The following DGCR8 variants were observed in gnomAD, a reference collection of about 807,000 sequenced individuals.
The protein encoded by DGCR8 is microprocessor complex subunit DGCR8.
Under a neutral mutation model 78.5 loss-of-function variants are expected in DGCR8, and 14 were observed. The observed-to-expected ratio is 0.18, with a 90% CI of 0.12 to 0.28. DGCR8 has a LOEUF of 0.28. Ranked by LOEUF, DGCR8 falls within the 10% of genes least tolerant of loss-of-function variation. DGCR8 has a pLI of 1.00. For missense variants in DGCR8, 702 were observed against 1,022.5 expected, an observed-to-expected ratio of 0.69 and a Z score of 4.28; for synonymous variants, 399 against 402.4, an observed-to-expected ratio of 0.99 and a Z score of 0.10.
chr22:20,082,924 C>T (rs993399121), intron 1 of DGCR8, among the ~76,000 whole-genome samples: 8 of 152,322 alleles, frequency 5.3e-5, no homozygotes, highest in Middle Eastern at 3.4e-3. Context: ...CCTTCCTATC[C>T]GGTGGCCCAT....
At position 20,101,837 on chromosome 22, in the gene DGCR8, G is replaced by A. The variant is rs563657442; in HGVS notation, c.1789-4340G>A. 688 of 985,404 alleles carry A rather than the reference G, an allele frequency of 7.0e-4. 2 individuals are homozygous for A. The highest frequency in any genetic ancestry group is 5.2e-3 in the Middle Eastern group (10 of 1,914). The allele number at this position is 985,404 out of a possible 1,614,324, so 61.0% of individuals were successfully genotyped here. On this transcript the variant is annotated intron_variant, in intron 9 of 13. Coordinates refer to ENST00000351989, the MANE Select transcript of DGCR8 (RefSeq NM_022720.7). ...GACTGTCCCCTGGACAGCCTGGGGC[G>A]TGGGGTAGTATCCCCTCCTTGTGTG... is the stretch of plus-strand genomic sequence containing the variant.
rs1208836265 is a variant in DGCR8 at position 20,106,164 on chromosome 22, C to CT, written c.1789-10dup. On this transcript the variant is annotated splice_polypyrimidine_tract_variant and intron_variant, in intron 9 of 13. Transcript: ENST00000351989. ...CCTGGTGGGGACTCACAAGCCTCTG[C>CT]TTTGTGTTGTAGTATTTTAACCACA... The CT allele has an allele frequency of 6.2e-7, 1 of 1,611,698 alleles. No homozygotes were observed. Among genetic ancestry groups the CT allele is most frequent in the Non-Finnish European group, 8.5e-7 (1 of 1,178,156 alleles).
Position 20,089,848 on chromosome 22 carries a change from G to A in DGCR8, c.1023+37G>A. 6.2e-7 allele frequency: 1 copy of A among 1,610,074 alleles called. No homozygotes were observed. The highest frequency in any genetic ancestry group is 8.5e-7 in the Non-Finnish European group (1 of 1,177,496). ...ATCAGTCGTGACTTTAGGCTTGTAA[G>A]TTCTCAGACCAAAACGTGCACATCC... On this transcript the variant is annotated intron_variant, in intron 4 of 13. Transcript: ENST00000351989. This position sits in a 1 kb window ranked among gnomAD's most constrained non-coding sequence, Gnocchi z 4.9.
At chr22:20,107,154 A>G in intron 11 of DGCR8, 117 bp from the exon 12 acceptor site, 1 of 1,145,838 alleles carries the variant, frequency 8.7e-7, no homozygotes, top group Non-Finnish European at 1.3e-6. Context: ...CTATTCCTGT[A>G]GAATGTGCCC....
intron 9 of DGCR8, chr22:20,102,139 AG>A: frequency 1.1e-6 from 1 of 906,410 alleles, no homozygotes; most frequent in Non-Finnish European, 1.3e-6. Context: ...TTTTTGGTAC[AG>A]TACTGTGAGT....
chr22:20,093,015 G>T, intron 8 of DGCR8, 108 bp downstream of exon 8: 1 of 721,542 alleles, frequency 1.4e-6, no homozygotes, highest in Non-Finnish European at 2.3e-6. Flanking sequence ...ATGTGGGTGG[G>T]GCATGTTTAT....
chr22:20,096,481 T>C, intron 9 of DGCR8: 1 of 985,386 alleles, frequency 1.0e-6, no homozygotes, highest in South Asian at 4.7e-5. Flanking sequence ...TAGCAAGGGC[T>C]TGTGGAATTT....
In DGCR8 at chr22:20,101,603, A is replaced by G. The variant is rs569921799; in HGVS notation, c.1789-4574A>G. The G allele has an allele frequency of 2.1e-5, 21 of 985,022 alleles. No homozygotes were observed. In the African/African-American group the frequency reaches 3.5e-4, roughly 16 times the overall value. 61.0% of individuals were successfully genotyped at this position (985,022 alleles called of 1,614,324 possible). ...AAAAAAAAAAAAATGTATATATGTC[A>G]TCTGTGATGTCCCCATTTAAAAATC... On this transcript the variant is annotated intron_variant, in intron 9 of 13. Coordinates refer to ENST00000351989, the MANE Select transcript of DGCR8 (RefSeq NM_022720.7).
Position 20,086,436 on chromosome 22 carries a change from A to T in DGCR8, c.473A>T (p.Asp158Val). ...CGLLLSPVSG[D>V]VHACPFGGSV... ...CTGCTCCTTAGCCCTGTCAGTGGGG[A>T]CGTGCATGCTTGTCCCTTTGGCGGG... Residue 158 changes from aspartate (D) to valine (V), a missense_variant, in exon 2 of 14, where the codon GAC becomes GTC. Asp to Val is a radical substitution (Grantham distance 152, BLOSUM62 -3). Around this residue, in one of 4 missense-constraint regions of DGCR8, gnomAD observed 356 missense variants for 448.9 expected, o/e 0.79. Transcript: ENST00000351989. The surrounding 1 kb of genome is among the most constrained non-coding windows in gnomAD (Gnocchi z 6.4). The T allele has an allele frequency of 6.2e-7, 1 of 1,613,754 alleles. No individual in the cohort carries two copies. Among genetic ancestry groups the T allele is most frequent in the Non-Finnish European group, 8.5e-7 (1 of 1,180,004 alleles).
At chr22:20,101,215 G>A in intron 9 of DGCR8, 22 of 985,412 alleles carry the variant, frequency 2.2e-5, no homozygotes, top group Non-Finnish European at 2.7e-5. Context: ...ATGATGCCAT[G>A]CCTTGGTTTA....
chr22:20,086,644 A>T lies in DGCR8; in HGVS notation c.681A>T (p.Arg227Ser). 6.2e-7 allele frequency: 1 copy of T among 1,611,138 alleles called. No homozygotes were observed. Among genetic ancestry groups the T allele is most frequent in the Non-Finnish European group, 8.5e-7 (1 of 1,179,876 alleles). ...TCACGGCTAAAGCAATCGTTCAGAG[A>T]GACAGAGTGGATGAAGAGGCCTTGA... ...GGFTAKAIVQRDRVDEEALNF... is the reference protein window; with the variant it reads ...GGFTAKAIVQSDRVDEEALNF... Residue 227 changes from arginine to serine, a missense_variant, in exon 2 of 14, where the codon AGA (arginine) becomes AGT (serine). This residue lies in a region of DGCR8 where 356 missense variants were observed against 448.9 expected (regional missense o/e 0.79). Transcript: ENST00000351989. The surrounding 1 kb of genome is among the most constrained non-coding windows in gnomAD (Gnocchi z 6.4).
At chr22:20,081,603 C>A (rs558170381) in intron 1 of DGCR8, among the ~76,000 whole-genome samples, 3 of 152,186 alleles carry the variant, frequency 2.0e-5, no homozygotes, top group Non-Finnish European at 4.4e-5. Flanking sequence ...CAGTCTTAGA[C>A]TCTCTTGTTG....
intron 9 of DGCR8, chr22:20,101,929 C>T (rs2147934965): frequency 3.0e-6 from 3 of 985,178 alleles, no homozygotes; most frequent in Non-Finnish European, 3.6e-6. Flanking sequence ...GGTGGCCACG[C>T]GTGTATGCTA....
chr22:20,092,867 T>C lies in DGCR8; in HGVS notation c.1665T>C (p.Ser555=). The change falls in exon 8 of 14, where the codon TCT becomes TCC. Residue 555 remains serine, a synonymous_variant. Coordinates refer to ENST00000351989, the MANE Select transcript of DGCR8 (RefSeq NM_022720.7). Reference sequence around the variant, plus strand: ...CCATTGATGGTGTGACTTACGGATCTGGAACTGCAAGCAGCAAAAAACTTG... The same window carrying C: ...CCATTGATGGTGTGACTTACGGATCCGGAACTGCAAGCAGCAAAAAACTTG... ...SVTIDGVTYG[S]GTASSKKLAK... is the part of the protein sequence containing the mutation. 6.2e-7 allele frequency: 1 copy of C among 1,613,800 alleles called. No homozygotes were observed. Among genetic ancestry groups the C allele is most frequent in the East Asian group, 2.2e-5 (1 of 44,856 alleles).
intron 12 of DGCR8, chr22:20,107,830 A>G (rs2049788581): frequency 4.9e-6 from 1 of 204,584 alleles, no homozygotes; most frequent in African/African-American, 2.3e-5. Flanking sequence ...AGAAGAGCAT[A>G]TGTGTACCAT....
chr22:20,094,845 A>C, intron 9 of DGCR8, 50 bp downstream of exon 9: 1 of 1,531,546 alleles, frequency 6.5e-7, no homozygotes, highest in Non-Finnish European at 9.0e-7. Flanking sequence ...CAGTGCGGCT[A>C]CCCTGCCCTG....
In DGCR8 at chr22:20,087,006, C is replaced by A; in HGVS notation, c.721-156C>A. On this transcript the variant is annotated intron_variant, in intron 2 of 13. Transcript: ENST00000351989. The surrounding 1 kb of genome is among the most constrained non-coding windows in gnomAD (Gnocchi z 4.1). Reference sequence around the variant, plus strand: ...GTTGGTGTCAGCTGGTAGCTTCATCCTGTTTGTTTTTCAGATGATCATGCA... The same window carrying A: ...GTTGGTGTCAGCTGGTAGCTTCATCATGTTTGTTTTTCAGATGATCATGCA... 9.9e-7 allele frequency: 1 copy of A among 1,006,686 alleles called. No homozygotes were observed. The allele number at this position is 1,006,686 out of a possible 1,614,324, so 62.4% of individuals were successfully genotyped here.
chr22:20,087,362 T>G lies in DGCR8; in HGVS notation c.880+41T>G. 6.4e-7 allele frequency: 1 copy of G among 1,553,238 alleles called. No homozygotes were observed. Among genetic ancestry groups the G allele is most frequent in the Non-Finnish European group, 8.7e-7 (1 of 1,144,724 alleles). The stretch of plus-strand genomic sequence containing the variant: ...AGAAGCAGTGGGTGTTCCAGGGCAG[T>G]GGAGGGGTGGTTGCTTCCTTAGCAG... On this transcript the variant is annotated intron_variant, in intron 3 of 13. Coordinates refer to ENST00000351989, the MANE Select transcript of DGCR8 (RefSeq NM_022720.7). The surrounding 1 kb of genome is among the most constrained non-coding windows in gnomAD (Gnocchi z 4.1).
rs1327847116 is a variant in DGCR8 at position 20,111,272 on chromosome 22, C to A, written c.*1164C>A. Reference sequence around the variant, plus strand: ...GGTGGACTGGCACCTGTGCAGAGTGCCGTGTGCTTGTGGTGCGCCATCTGA... The same window carrying A: ...GGTGGACTGGCACCTGTGCAGAGTGACGTGTGCTTGTGGTGCGCCATCTGA... On this transcript the variant is annotated 3_prime_UTR_variant, in exon 14 of 14. Coordinates refer to ENST00000351989, the MANE Select transcript of DGCR8 (RefSeq NM_022720.7). 1 of 398,676 alleles carries A rather than the reference C, an allele frequency of 2.5e-6. No homozygotes were observed. Among genetic ancestry groups the A allele is most frequent in the African/African-American group, 2.1e-5 (1 of 48,582 alleles). 24.7% of individuals were successfully genotyped at this position (398,676 alleles called of 1,614,324 possible).
Sources: allele counts gnomAD v4.1 joint callset (sites outside exome capture counted in the v4.1 genomes callset), GRCh38; gene constraint gnomAD v4.1.1; regional missense constraint gnomAD v4.1.1; non-coding constraint Gnocchi (gnomAD v3.1); transcripts MANE v1.5; gene names NCBI Gene and HGNC (gene_info 2026-07-23, HGNC 2026-07-21).